The following ADAMTS2 variants were observed in gnomAD, a reference collection of about 807,000 sequenced individuals.
ADAMTS2 encodes the protein ADAM metallopeptidase with thrombospondin type 1 motif 2, also known as A disintegrin and metalloproteinase with thrombospondin motifs 2.
Under a neutral mutation model 123.0 loss-of-function variants are expected in ADAMTS2, and 50 were observed. The observed-to-expected ratio is 0.41, with a 90% CI of 0.32 to 0.51. ADAMTS2 has a LOEUF of 0.51. Among genes scored for constraint, ADAMTS2 ranks in the 20% least tolerant of loss-of-function variants. The pLI, the probability that ADAMTS2 is intolerant of heterozygous loss-of-function variation, is 0.35. For missense variants in ADAMTS2, 1,494 were observed against 1,705.2 expected, an observed-to-expected ratio of 0.88 and a Z score of 2.18; for synonymous variants, 678 against 695.4, an observed-to-expected ratio of 0.98 and a Z score of 0.39.
rs75536432 is a variant in ADAMTS2, at chr5:179,282,378, A to G, written c.535-9314T>C. On this transcript the variant is annotated intron_variant, in intron 2 of 21. Transcript: ENST00000251582. ...TATGTGGATATCCAGGTGTGCCAAC[A>G]CCATTTGTTGAAAAGACCATTCTTT... Among the ~76,000 whole-genome samples, 14 of 152,322 alleles carry G rather than the reference A, an allele frequency of 9.2e-5. No individual in the cohort carries two copies. In the East Asian group the frequency reaches 2.5e-3, roughly 27 times the overall value.
intron 4 of ADAMTS2, among the ~76,000 whole-genome samples, chr5:179,196,323 G>A (rs567614405): frequency 5.9e-5 from 9 of 152,298 alleles, no homozygotes; most frequent in South Asian, 2.1e-4. Context: ...GGTTATAGCC[G>A]CGACTGAAGG....
chr5:179,123,572 C>T (rs1207650820), intron 19 of ADAMTS2, among the ~76,000 whole-genome samples: 1 of 152,196 alleles, frequency 6.6e-6, no homozygotes, highest in Admixed American at 6.5e-5. Flanking sequence ...AGTACAGGCA[C>T]ACGCCACCAC....
At chr5:179,213,432 C>T (rs192658481) in intron 3 of ADAMTS2, among the ~76,000 whole-genome samples, 250 of 152,310 alleles carry the variant, frequency 1.6e-3, no homozygotes, top group African/African-American at 5.7e-3. Flanking sequence ...TGGTGTGCCT[C>T]AGTGTCCCCA....
intron 21 of ADAMTS2, among the ~76,000 whole-genome samples, chr5:179,116,260 A>ACCCCCCCCCCCCCCCCCCCCCCCC (rs146306326): frequency 5.6e-4 from 53 of 93,860 alleles, no homozygotes; most frequent in Non-Finnish European, 6.0e-4. Context: ...TGACCACGGC[A>ACCCCCCCCCCCCCCCCCCCCCCCC]CCCCCCCCCC....
At chr5:179,330,221 C>A (rs910832584) in intron 2 of ADAMTS2, among the ~76,000 whole-genome samples, 1 of 152,082 alleles carries the variant, frequency 6.6e-6, no homozygotes, top group Non-Finnish European at 1.5e-5. Context: ...CCAGCCCCAG[C>A]GGACTCCTGC....
intron 3 of ADAMTS2, among the ~76,000 whole-genome samples, chr5:179,210,561 G>A (rs556369499): frequency 7.2e-5 from 11 of 152,350 alleles, no homozygotes; most frequent in South Asian, 2.1e-4. Context: ...CTAGAGAGAC[G>A]GCCCAAGGCC....
At chr5:179,187,897 T>C (rs1561795205) in intron 4 of ADAMTS2, among the ~76,000 whole-genome samples, 1 of 152,192 alleles carries the variant, frequency 6.6e-6, no homozygotes, top group Non-Finnish European at 1.5e-5. Context: ...GAATAGACAA[T>C]GAGGAAGGAG....
intron 5 of ADAMTS2, among the ~76,000 whole-genome samples, chr5:179,160,712 T>C (rs767117641): frequency 3.9e-5 from 6 of 152,204 alleles, no homozygotes; most frequent in Non-Finnish European, 8.8e-5. Context: ...CAGAGTGTGA[T>C]GTCCTGTGAC....
At chr5:179,265,675 C>T (rs1342207118) in intron 3 of ADAMTS2, among the ~76,000 whole-genome samples, 1 of 152,196 alleles carries the variant, frequency 6.6e-6, no homozygotes, top group Admixed American at 6.5e-5. Context: ...TGTGCAGCCT[C>T]GGCTTTCCCA....
At position 179,204,895 on chromosome 5, in the gene ADAMTS2, C is replaced by G. The variant is rs907685103; in HGVS notation, c.891+2618G>C. 2.4e-4 allele frequency among the ~76,000 whole-genome samples: 37 copies of G among 152,354 alleles called. 1 individual carries two copies. Among genetic ancestry groups the G allele is most frequent in the Admixed American group, 2.2e-3 (34 of 15,306 alleles). On this transcript the variant is annotated intron_variant, in intron 4 of 21. Coordinates refer to ENST00000251582, the MANE Select transcript of ADAMTS2 (RefSeq NM_014244.5). ...GTGCCCATGACAAGCACACTGTCAA[C>G]ACGTTTGCTGAATGAATCAGTGCTC...
chr5:179,268,829 G>A (rs1341098306), intron 3 of ADAMTS2, among the ~76,000 whole-genome samples: 1 of 152,204 alleles, frequency 6.6e-6, no homozygotes, highest in Non-Finnish European at 1.5e-5. Flanking sequence ...ACCCAGACGG[G>A]CGCCTCCCGG....
rs1756590533 is a variant in ADAMTS2 at position 179,303,632 on chromosome 5, A to G, written c.535-30568T>C. On this transcript the variant is annotated intron_variant, in intron 2 of 21. Transcript: ENST00000251582. The surrounding 1 kb of genome is among the most constrained non-coding windows in gnomAD (Gnocchi z 4.7). ...ATGCTCAGAGCCAAGCCAACACCTC[A>G]TTTTTCTTTCCTATTTCCTTTTTCT... Among the ~76,000 whole-genome samples the G allele has an allele frequency of 6.6e-6, 1 of 152,064 alleles. No individual in the cohort carries two copies. Among genetic ancestry groups the G allele is most frequent in the African/African-American group, 2.4e-5 (1 of 41,396 alleles).
chr5:179,173,501 G>C (rs1035775194), intron 5 of ADAMTS2, among the ~76,000 whole-genome samples: 2 of 152,088 alleles, frequency 1.3e-5, no homozygotes, highest in East Asian at 3.8e-4. Flanking sequence ...ATGCAATTTT[G>C]TGGCAGCCTA....
At chr5:179,291,335 G>A (rs917301224) in intron 2 of ADAMTS2, among the ~76,000 whole-genome samples, 1 of 152,236 alleles carries the variant, frequency 6.6e-6, no homozygotes, top group Non-Finnish European at 1.5e-5. Context: ...TCTGTCACTG[G>A]TGCCCAGGGC....
At chr5:179,283,796 C>T (rs927356401) in intron 2 of ADAMTS2, among the ~76,000 whole-genome samples, 7 of 151,356 alleles carry the variant, frequency 4.6e-5, no homozygotes, top group East Asian at 3.9e-4. Flanking sequence ...GAGGCTGAGG[C>T]GGGAGAATCA....
At chr5:179,135,754 A>T (rs1320278907) in intron 13 of ADAMTS2, among the ~76,000 whole-genome samples, 155 bp downstream of exon 13, 1 of 152,154 alleles carries the variant, frequency 6.6e-6, no homozygotes, top group Non-Finnish European at 1.5e-5. Flanking sequence ...GTAAACAGAC[A>T]TTTGCCAAGA....
chr5:179,306,185 T>A (rs1436488682), intron 2 of ADAMTS2, among the ~76,000 whole-genome samples: 4 of 147,922 alleles, frequency 2.7e-5, no homozygotes, highest in Non-Finnish European at 5.9e-5. Context: ...TAAACCAATA[T>A]CCCTCAATGA....
Position 179,277,321 on chromosome 5 carries a change from A to AC in ADAMTS2, c.535-4258dup, listed in dbSNP as rs530537863. ...ACCTGCCCCGAGACCAAAGGCTGAC[A>AC]CCCCGAGACCAAAGGCTGACCCCCC... On this transcript the variant is annotated intron_variant, in intron 2 of 21. Coordinates refer to ENST00000251582, the MANE Select transcript of ADAMTS2 (RefSeq NM_014244.5). Among the ~76,000 whole-genome samples, 19 of 61,854 alleles carry AC rather than the reference A, an allele frequency of 3.1e-4. No homozygotes were observed. In the East Asian group the frequency reaches 4.2e-3, roughly 14 times the overall value. The allele number at this position is 61,854 out of a possible 152,430, so 40.6% of individuals were successfully genotyped here. A position where few individuals can be genotyped will look rare whatever the true frequency, so the allele number is the denominator to read the frequency against.
intron 20 of ADAMTS2, among the ~76,000 whole-genome samples, chr5:179,122,381 C>G (rs1045877967): frequency 6.6e-6 from 1 of 152,222 alleles, no homozygotes; most frequent in African/African-American, 2.4e-5. Flanking sequence ...CCAGCATTCC[C>G]TAGCTGGCCG....
Sources: allele counts gnomAD v4.1 joint callset (sites outside exome capture counted in the v4.1 genomes callset), GRCh38; gene constraint gnomAD v4.1.1; non-coding constraint Gnocchi (gnomAD v3.1); transcripts MANE v1.5; gene names NCBI Gene and HGNC (gene_info 2026-07-23, HGNC 2026-07-21).